Variants in SCG5 observed in about 807,000 individuals in gnomAD.
The protein encoded by SCG5 is neuroendocrine protein 7B2.
In SCG5, 18 loss-of-function variants were observed where a neutral mutation model predicts 25.7. That is an observed-to-expected ratio of 0.70 (90% CI 0.48 to 1.04). The LOEUF is 1.04. Among genes scored for constraint, SCG5 ranks in the 50% least tolerant of loss-of-function variants. The pLI, the probability that SCG5 is intolerant of heterozygous loss-of-function variation, is 0.00. For missense variants in SCG5, 206 were observed against 259.8 expected (o/e 0.79, Z 1.42); for synonymous variants, 101 against 91.7 (o/e 1.10, Z -0.58).
At chr15:32,685,916 C>T (rs1311481996) in intron 4 of SCG5, among the ~76,000 whole-genome samples, 3 of 152,226 alleles carry the variant, frequency 2.0e-5, no homozygotes, top group Admixed American at 2.0e-4. Flanking sequence ...TTGCTTACTG[C>T]TTTACTGGGA....
intron 2 of SCG5, among the ~76,000 whole-genome samples, chr15:32,676,013 A>G (rs953873883): frequency 1.4e-4 from 22 of 152,380 alleles, no homozygotes; most frequent in African/African-American, 5.0e-4. Flanking sequence ...CAGGTACAAT[A>G]GATCAATATA....
chr15:32,695,264 C>G (rs2054937050), intron 5 of SCG5, among the ~76,000 whole-genome samples: 1 of 152,118 alleles, frequency 6.6e-6, no homozygotes, highest in African/African-American at 2.4e-5. Flanking sequence ...ATCCGCCCAC[C>G]TAGGCCTCCC....
chr15:32,675,107 A>G (rs2054508417), intron 2 of SCG5, among the ~76,000 whole-genome samples: 1 of 152,118 alleles, frequency 6.6e-6, no homozygotes, highest in African/African-American at 2.4e-5. Context: ...TGGGCTTAAA[A>G]CTCATTTGGC....
intron 3 of SCG5, 196 bp from the exon 4 acceptor site, chr15:32,684,361 C>A: frequency 1.8e-6 from 1 of 561,980 alleles, no homozygotes; most frequent in Non-Finnish European, 3.2e-6. Flanking sequence ...CAGTGAGTCT[C>A]TGCACAGGAG....
intron 2 of SCG5, among the ~76,000 whole-genome samples, chr15:32,645,658 A>G (rs2053931471): frequency 6.6e-6 from 1 of 152,198 alleles, no homozygotes; most frequent in Non-Finnish European, 1.5e-5. Flanking sequence ...AGAGTTCATC[A>G]GGGAACCATA....
chr15:32,688,710 G>A (rs2054772000), intron 4 of SCG5, among the ~76,000 whole-genome samples: 1 of 152,172 alleles, frequency 6.6e-6, no homozygotes, highest in Non-Finnish European at 1.5e-5. Flanking sequence ...TGTAATCCCA[G>A]CACTTTGGGA....
chr15:32,653,705 T>C (rs1433492854), intron 2 of SCG5, among the ~76,000 whole-genome samples: 1 of 152,216 alleles, frequency 6.6e-6, no homozygotes, highest in East Asian at 1.9e-4. Context: ...ACCTCAGTCT[T>C]TTCTCTTAAC....
At position 32,696,730 on chromosome 15, in the gene SCG5, A is replaced by G; in HGVS notation, c.*121A>G. ...TCTTACATAGATAATTATGGATACA[A>G]AGCAGCTGTATGTAGATAGTGTATT... is the stretch of plus-strand genomic sequence containing the variant. On this transcript the variant is annotated 3_prime_UTR_variant, in exon 6 of 6. Coordinates refer to ENST00000300175, the MANE Select transcript of SCG5 (RefSeq NM_001144757.3). 2 of 653,128 alleles carry G rather than the reference A, an allele frequency of 3.1e-6. No homozygotes were observed. The highest frequency in any genetic ancestry group is 5.6e-6 in the Non-Finnish European group (2 of 359,684). 40.5% of individuals were successfully genotyped at this position (653,128 alleles called of 1,614,324 possible).
At chr15:32,692,402 C>T (rs1258146278) in intron 5 of SCG5, 7 of 318,490 alleles carry the variant, frequency 2.2e-5, no homozygotes, top group Non-Finnish European at 2.7e-5. Flanking sequence ...CCACATTTAG[C>T]TACTTCATAT....
At chr15:32,646,453 C>T (rs142200587) in intron 2 of SCG5, among the ~76,000 whole-genome samples, 55 of 152,292 alleles carry the variant, frequency 3.6e-4, no homozygotes, top group Admixed American at 8.5e-4. Flanking sequence ...GAGGCCGCCT[C>T]AGGTTGTAAG....
At chr15:32,684,146 A>T (rs2054663027) in intron 3 of SCG5, among the ~76,000 whole-genome samples, 1 of 152,198 alleles carries the variant, frequency 6.6e-6, no homozygotes, top group Non-Finnish European at 1.5e-5. Flanking sequence ...GTGGGGAATG[A>T]GGAGAAGTGG....
chr15:32,679,090 C>T (rs1022383629), intron 2 of SCG5, among the ~76,000 whole-genome samples: 3 of 152,216 alleles, frequency 2.0e-5, no homozygotes. Context: ...CCACGCCCAG[C>T]TTCCAGAGCC....
rs780575685 is a variant in SCG5 at position 32,643,622 on chromosome 15, A to G, written c.30A>G (p.Leu10=). ...TCTCCAGGATGGTCTCTACCATGCT[A>G]TCTGGCCTACTGTTTTGGCTGGCAT... The part of the protein sequence containing the change: MVSRMVSTM[L]SGLLFWLASG... Residue 10 remains leucine (L), a synonymous_variant, in exon 2 of 6, where the codon CTA becomes CTG. Coordinates refer to ENST00000300175, the MANE Select transcript of SCG5 (RefSeq NM_001144757.3). 57 of 1,613,832 alleles carry G rather than the reference A, an allele frequency of 3.5e-5. No individual in the cohort carries two copies. The highest frequency in any genetic ancestry group is 1.6e-4 in the Middle Eastern group (1 of 6,084).
At chr15:32,650,201 C>T (rs1056873748) in intron 2 of SCG5, among the ~76,000 whole-genome samples, 1 of 152,126 alleles carries the variant, frequency 6.6e-6, no homozygotes, top group African/African-American at 2.4e-5. Context: ...AGGTTCATGC[C>T]ATTCTCCTGC....
intron 5 of SCG5, among the ~76,000 whole-genome samples, chr15:32,695,531 A>T (rs1029537762): frequency 6.6e-6 from 1 of 152,174 alleles, no homozygotes; most frequent in African/African-American, 2.4e-5. Flanking sequence ...AAGTGATTTC[A>T]GAGTATGGAG....
At chr15:32,692,143 TAAA>T in intron 5 of SCG5, 2 of 1,063,720 alleles carry the variant, frequency 1.9e-6, no homozygotes, top group Non-Finnish European at 2.3e-6. Flanking sequence ...ATCAATTCTA[TAAA>T]AACACAGGAC....
intron 2 of SCG5, among the ~76,000 whole-genome samples, chr15:32,657,408 G>A (rs534967383): frequency 6.6e-6 from 1 of 151,244 alleles, no homozygotes; most frequent in South Asian, 2.1e-4. Flanking sequence ...ACATGTGACT[G>A]TAATGAGGAT....
At chr15:32,678,444 C>T (rs753146284) in intron 2 of SCG5, among the ~76,000 whole-genome samples, 4 of 151,906 alleles carry the variant, frequency 2.6e-5, no homozygotes, top group Non-Finnish European at 5.9e-5. Flanking sequence ...GATATTTGAC[C>T]CAGCTGGTAA....
Position 32,643,622 on chromosome 15 carries a change from A to C in SCG5, c.30A>C (p.Leu10=), listed in dbSNP as rs780575685. ...TCTCCAGGATGGTCTCTACCATGCT[A>C]TCTGGCCTACTGTTTTGGCTGGCAT... MVSRMVSTM[L]SGLLFWLASG... is the part of the protein sequence containing the mutation. Residue 10 remains leucine (L), a synonymous_variant, in exon 2 of 6, where the codon CTA becomes CTC. Transcript: ENST00000300175. 6.8e-6 allele frequency: 11 copies of C among 1,613,950 alleles called. No homozygotes were observed. The East Asian group carries it at 2.2e-4, about 33-fold the overall frequency.
Sources: allele counts gnomAD v4.1 joint callset (sites outside exome capture counted in the v4.1 genomes callset), GRCh38; gene constraint gnomAD v4.1.1; transcripts MANE v1.5; gene names NCBI Gene and HGNC (gene_info 2026-07-23, HGNC 2026-07-21).